Variants in CERS6 observed in about 807,000 individuals in gnomAD.
The protein encoded by CERS6 is LAG1 homolog, ceramide synthase 6.
In CERS6, 26 loss-of-function variants were observed where a neutral mutation model predicts 56.8. The ratio of observed to expected loss-of-function variants is 0.46; its 90% confidence interval spans 0.34 to 0.63. The LOEUF is 0.63. Among genes scored for constraint, CERS6 ranks in the 30% least tolerant of loss-of-function variants. CERS6 has a pLI of 0.01. For synonymous variants in CERS6, 164 were observed against 173.3 expected, an observed-to-expected ratio of 0.95 and a Z score of 0.42; for missense variants, 415 against 467.5, an observed-to-expected ratio of 0.89 and a Z score of 1.04.
intron 3 of CERS6, among the ~76,000 whole-genome samples, chr2:168,586,193 C>T (rs546059845): frequency 2.7e-5 from 4 of 147,070 alleles, no homozygotes; most frequent in African/African-American, 7.7e-5. Flanking sequence ...GTGATATTGC[C>T]GGGGCTGGTA....
chr2:168,651,076 A>G (rs1229788164), intron 4 of CERS6, among the ~76,000 whole-genome samples: 1 of 152,190 alleles, frequency 6.6e-6, no homozygotes, highest in Non-Finnish European at 1.5e-5. Flanking sequence ...TCTTGAGGCA[A>G]ACAGTAAATC....
intron 2 of CERS6, among the ~76,000 whole-genome samples, chr2:168,556,986 C>A: frequency 1.2e-5 from 1 of 82,308 alleles, no homozygotes; most frequent in South Asian, 4.8e-4. Context: ...GAAACCTTGT[C>A]TCTACAAAAA....
intron 5 of CERS6, among the ~76,000 whole-genome samples, chr2:168,693,890 C>T (rs181156507): frequency 6.6e-6 from 1 of 152,208 alleles, no homozygotes; most frequent in Non-Finnish European, 1.5e-5. Flanking sequence ...GTATCCTGTC[C>T]CATTGTGTAT....
intron 8 of CERS6, among the ~76,000 whole-genome samples, chr2:168,757,182 C>T (rs1459569912): frequency 6.6e-6 from 1 of 152,010 alleles, no homozygotes; most frequent in Non-Finnish European, 1.5e-5. Flanking sequence ...CAACAAAGAG[C>T]TAACTAGAGG....
intron 3 of CERS6, among the ~76,000 whole-genome samples, chr2:168,588,569 G>T (rs773942523): frequency 7.9e-5 from 12 of 152,260 alleles, no homozygotes; most frequent in Non-Finnish European, 1.8e-4. Context: ...GTTCACCCAT[G>T]TTTTGGTGTC....
In CERS6 at chr2:168,772,067, C is replaced by G. The variant is rs1463231994; in HGVS notation, c.*2405C>G. 1 of 152,176 alleles carries G rather than the reference C, an allele frequency of 6.6e-6. No homozygotes were observed. Among genetic ancestry groups the G allele is most frequent in the Non-Finnish European group, 1.5e-5 (1 of 68,042 alleles). The allele number at this position is 152,176 out of a possible 1,614,324, so 9.4% of individuals were successfully genotyped here. ...AAGAATAATATATCTCTGTCTATAG[C>G]TTTCCCATGGTAGCCTGATAAGGCT... On this transcript the variant is annotated 3_prime_UTR_variant, in exon 10 of 10. Coordinates refer to ENST00000305747, the MANE Select transcript of CERS6 (RefSeq NM_203463.3).
intron 8 of CERS6, among the ~76,000 whole-genome samples, chr2:168,760,496 G>A (rs1240961952): frequency 6.6e-6 from 1 of 152,044 alleles, no homozygotes; most frequent in African/African-American, 2.4e-5. Flanking sequence ...ACAGACCCAG[G>A]ATAAATACTT....
At chr2:168,458,314 G>C (rs1036988427) in intron 1 of CERS6, among the ~76,000 whole-genome samples, 3 of 152,202 alleles carry the variant, frequency 2.0e-5, no homozygotes, top group African/African-American at 7.2e-5. Flanking sequence ...AGCATGATCT[G>C]TGCACAAACA....
At chr2:168,724,460 G>A (rs1019247879) in intron 8 of CERS6, among the ~76,000 whole-genome samples, 1 of 152,070 alleles carries the variant, frequency 6.6e-6, no homozygotes, top group Admixed American at 6.5e-5. Flanking sequence ...CTCTTATCTG[G>A]CCCCACCCAC....
chr2:168,577,963 G>C (rs1335477222), intron 3 of CERS6, among the ~76,000 whole-genome samples: 1 of 152,166 alleles, frequency 6.6e-6, no homozygotes, highest in Non-Finnish European at 1.5e-5. Flanking sequence ...GTAGGTGCCA[G>C]TAGGGTGCGG....
intron 4 of CERS6, among the ~76,000 whole-genome samples, chr2:168,676,404 T>A (rs1686060991): frequency 6.6e-6 from 1 of 152,210 alleles, no homozygotes; most frequent in African/African-American, 2.4e-5. Context: ...TTTACACATG[T>A]CATTATGGAA....
intron 9 of CERS6, among the ~76,000 whole-genome samples, chr2:168,769,052 A>T (rs984958520): frequency 6.7e-6 from 1 of 149,702 alleles, no homozygotes; most frequent in Non-Finnish European, 1.5e-5. Context: ...CCAAATAGGA[A>T]TTTTTTTTTT....
At chr2:168,573,507 G>A (rs888501346) in intron 3 of CERS6, among the ~76,000 whole-genome samples, 9 of 152,194 alleles carry the variant, frequency 5.9e-5, no homozygotes, top group East Asian at 5.8e-4. Context: ...CAAAGGAACA[G>A]TGTTTATCTA....
At chr2:168,474,728 A>G (rs549053354) in intron 1 of CERS6, among the ~76,000 whole-genome samples, 1 of 152,298 alleles carries the variant, frequency 6.6e-6, no homozygotes, top group African/African-American at 2.4e-5. Context: ...TGCAACATCT[A>G]TTGCAAACAT....
intron 1 of CERS6, among the ~76,000 whole-genome samples, chr2:168,546,058 G>A (rs539073220): frequency 1.3e-5 from 2 of 152,150 alleles, no homozygotes; most frequent in Admixed American, 1.3e-4. Context: ...TATGATGAGG[G>A]GCAAATAACC....
chr2:168,505,190 C>A (rs1179984099), intron 1 of CERS6, among the ~76,000 whole-genome samples: 1 of 151,424 alleles, frequency 6.6e-6, no homozygotes, highest in Admixed American at 6.6e-5. Flanking sequence ...GAAGCCTGGG[C>A]AACATGGCAA....
chr2:168,495,926 C>T (rs1248045411), intron 1 of CERS6, among the ~76,000 whole-genome samples: 1 of 152,220 alleles, frequency 6.6e-6, no homozygotes, highest in Non-Finnish European at 1.5e-5. Context: ...TCTCCATCCC[C>T]ACCCTGTCTC....
At chr2:168,550,956 G>A (rs1469612573) in intron 2 of CERS6, among the ~76,000 whole-genome samples, 1 of 152,212 alleles carries the variant, frequency 6.6e-6, no homozygotes, top group Non-Finnish European at 1.5e-5. Flanking sequence ...CAGGGGATGA[G>A]GAACTGGGCA....
chr2:168,658,322 G>A lies in CERS6; in HGVS notation c.465+27280G>A, dbSNP rs12472310. Among the ~76,000 whole-genome samples the A allele has an allele frequency of 4.1e-3, 617 of 151,912 alleles. 5 individuals carry two copies. The highest frequency in any genetic ancestry group is 0.015 in the African/African-American group (601 of 41,256). On this transcript the variant is annotated intron_variant, in intron 4 of 9. Coordinates refer to ENST00000305747, the MANE Select transcript of CERS6 (RefSeq NM_203463.3). ...CCAAGGAAGTAGATTTCGGCTCCCC[G>A]GCCTGGTCAAATTTTGAGGCCTCTG...
Sources: allele counts gnomAD v4.1 joint callset (sites outside exome capture counted in the v4.1 genomes callset), GRCh38; gene constraint gnomAD v4.1.1; transcripts MANE v1.5; gene names NCBI Gene and HGNC (gene_info 2026-07-23, HGNC 2026-07-21).